CTNNA3: variants seen among roughly 807,000 people sequenced by gnomAD.
CTNNA3 encodes catenin alpha 3, also known as catenin alpha-3.
CTNNA3 carries 76 observed loss-of-function variants against 95.7 expected under a neutral mutation model. The ratio of observed to expected loss-of-function variants is 0.79; its 90% confidence interval spans 0.66 to 0.96. The LOEUF is 0.96. CTNNA3 is among the 40% of genes least tolerant of loss of function. The pLI is 0.00. For synonymous variants in CTNNA3, 431 were observed against 374.4 expected, an observed-to-expected ratio of 1.15 and a Z score of -1.74; for missense variants, 1,191 against 1,089.8, an observed-to-expected ratio of 1.09 and a Z score of -1.31.
At chr10:67,021,126 C>T (rs10762127) in intron 7 of CTNNA3, among the ~76,000 whole-genome samples, 135,963 of 152,142 alleles carry the variant, frequency 0.89, 61,236 homozygotes, top group Middle Eastern at 0.97. Flanking sequence ...TAAAATGTGA[C>T]GGAAGAGGAA....
intron 10 of CTNNA3, among the ~76,000 whole-genome samples, chr10:66,604,902 C>CT (rs1365960804): frequency 2.0e-5 from 3 of 152,074 alleles, no homozygotes; most frequent in Non-Finnish European, 4.4e-5. Context: ...GCCAAAGTGC[C>CT]TTTTGTCCTA....
At chr10:66,347,046 T>G (rs4408218) in intron 12 of CTNNA3, among the ~76,000 whole-genome samples, 1 of 151,746 alleles carries the variant, frequency 6.6e-6, no homozygotes, top group Non-Finnish European at 1.5e-5. Context: ...AAAAAATTCA[T>G]GTACTAGAGT....
At chr10:66,639,637 C>G (rs1023597879) in intron 9 of CTNNA3, among the ~76,000 whole-genome samples, 1 of 152,072 alleles carries the variant, frequency 6.6e-6, no homozygotes, top group Non-Finnish European at 1.5e-5. Context: ...CCTTCTAACT[C>G]TCCACTCTTT....
intron 1 of CTNNA3, among the ~76,000 whole-genome samples, chr10:67,752,244 G>A (rs952566980): frequency 2.0e-5 from 3 of 152,138 alleles, no homozygotes; most frequent in African/African-American, 4.8e-5. Flanking sequence ...CTCAACAGAC[G>A]CAGAAAAGGC....
intron 12 of CTNNA3, among the ~76,000 whole-genome samples, chr10:66,323,302 T>G (rs932097117): frequency 6.6e-6 from 1 of 151,960 alleles, no homozygotes; most frequent in Admixed American, 6.6e-5. Flanking sequence ...TATATTTTTT[T>G]AACATGCCAT....
chr10:65,985,269 A>AT (rs1301579327), intron 16 of CTNNA3, among the ~76,000 whole-genome samples: 3 of 151,042 alleles, frequency 2.0e-5, no homozygotes, highest in Non-Finnish European at 4.5e-5. Flanking sequence ...AAAAATCCTC[A>AT]TTTTTTTCCA....
chr10:67,264,654 T>C (rs1025705260), intron 5 of CTNNA3, among the ~76,000 whole-genome samples: 1 of 152,180 alleles, frequency 6.6e-6, no homozygotes, highest in African/African-American at 2.4e-5. Context: ...TTCCCACCTG[T>C]CTAGCTTCAT....
intron 7 of CTNNA3, among the ~76,000 whole-genome samples, chr10:66,877,882 G>T: frequency 6.6e-6 from 1 of 152,094 alleles, no homozygotes; most frequent in East Asian, 1.9e-4. Flanking sequence ...CAGATTTATA[G>T]AGATTTATAA....
At chr10:66,499,501 A>T (rs1484357606) in intron 11 of CTNNA3, among the ~76,000 whole-genome samples, 1 of 152,112 alleles carries the variant, frequency 6.6e-6, no homozygotes, top group Non-Finnish European at 1.5e-5. Context: ...GAGGAAAAAC[A>T]ATTTTTTTTT....
At chr10:66,035,868 A>T (rs2079553095) in intron 15 of CTNNA3, among the ~76,000 whole-genome samples, 1 of 152,316 alleles carries the variant, frequency 6.6e-6, no homozygotes, top group African/African-American at 2.4e-5. Flanking sequence ...AGGATTACTT[A>T]AAAACTATCA....
chr10:67,061,362 T>C (rs1055482812), intron 7 of CTNNA3, among the ~76,000 whole-genome samples: 2 of 152,214 alleles, frequency 1.3e-5, no homozygotes, highest in African/African-American at 4.8e-5. Flanking sequence ...ATTTACAAAA[T>C]AGAAACGTTT....
Position 65,918,214 on chromosome 10 carries a change from T to C in CTNNA3, c.*2116A>G, listed in dbSNP as rs2077030658. 6.6e-6 allele frequency: 1 copy of C among 152,166 alleles called. No homozygotes were observed. The highest frequency in any genetic ancestry group is 2.1e-4 in the South Asian group (1 of 4,828). The allele number at this position is 152,166 out of a possible 1,614,324, so 9.4% of individuals were successfully genotyped here. On this transcript the variant is annotated 3_prime_UTR_variant, in exon 18 of 18. Transcript: ENST00000433211. Reference sequence around the variant, plus strand: ...TTTTGGTGTCCAATACTGCATGTTCTAAACTCCAACATGTGGAAAGATGAT... The same window carrying C: ...TTTTGGTGTCCAATACTGCATGTTCCAAACTCCAACATGTGGAAAGATGAT...
At chr10:67,602,031 G>A (rs1407396318) in intron 3 of CTNNA3, among the ~76,000 whole-genome samples, 1 of 151,950 alleles carries the variant, frequency 6.6e-6, no homozygotes, top group Non-Finnish European at 1.5e-5. Context: ...TTTATTGGAA[G>A]GAAAAGTTTT....
chr10:66,317,695 ATGAG>A (rs2092121668), intron 12 of CTNNA3, among the ~76,000 whole-genome samples: 1 of 151,358 alleles, frequency 6.6e-6, no homozygotes. Flanking sequence ...AAAATTTAAA[ATGAG>A]AAAAGAAATT....
intron 9 of CTNNA3, among the ~76,000 whole-genome samples, chr10:66,639,211 A>T (rs550105944): frequency 2.0e-5 from 3 of 152,330 alleles, no homozygotes; most frequent in Non-Finnish European, 2.9e-5. Flanking sequence ...ATAGAAAAAG[A>T]AATCAATTAT....
At chr10:66,527,929 TAA>T (rs560891854) in intron 10 of CTNNA3, among the ~76,000 whole-genome samples, 18 of 152,248 alleles carry the variant, frequency 1.2e-4, no homozygotes, top group Non-Finnish European at 1.9e-4. Context: ...AAAAAATATA[TAA>T]GTTTTTTTAT....
At chr10:66,033,954 G>C (rs761067241) in intron 15 of CTNNA3, among the ~76,000 whole-genome samples, 1 of 152,168 alleles carries the variant, frequency 6.6e-6, no homozygotes, top group Admixed American at 6.5e-5. Context: ...TTTACCACTT[G>C]TGAGGCCTTC....
intron 4 of CTNNA3, among the ~76,000 whole-genome samples, chr10:67,536,750 C>T (rs1488736349): frequency 6.6e-6 from 1 of 152,108 alleles, no homozygotes; most frequent in East Asian, 1.9e-4. Flanking sequence ...CGCTAATGTG[C>T]ATCAAAACAT....
At chr10:66,428,564 C>G (rs1397612591) in intron 11 of CTNNA3, among the ~76,000 whole-genome samples, 1 of 152,100 alleles carries the variant, frequency 6.6e-6, no homozygotes, top group Admixed American at 6.6e-5. Flanking sequence ...TCTCAAACCA[C>G]AGTGCAATCA....
Sources: allele counts gnomAD v4.1 joint callset (sites outside exome capture counted in the v4.1 genomes callset), GRCh38; gene constraint gnomAD v4.1.1; transcripts MANE v1.5; gene names NCBI Gene and HGNC (gene_info 2026-07-23, HGNC 2026-07-21).